ATP8A2: variants seen among roughly 807,000 people sequenced by gnomAD.
ATP8A2 encodes phospholipid-transporting ATPase IB.
Under a neutral mutation model 165.6 loss-of-function variants are expected in ATP8A2, and 100 were observed. The observed-to-expected ratio is 0.60, with a 90% CI of 0.51 to 0.71. The LOEUF (loss-of-function observed/expected upper bound fraction) is 0.71, where lower values mean the gene tolerates loss of function less well. ATP8A2 is among the 30% of genes least tolerant of loss of function. The pLI, the probability that ATP8A2 is intolerant of heterozygous loss-of-function variation, is 0.00. For synonymous variants in ATP8A2, 543 were observed against 548.8 expected, an observed-to-expected ratio of 0.99 and a Z score of 0.15; for missense variants, 1,227 against 1,479.5, an observed-to-expected ratio of 0.83 and a Z score of 2.80.
rs370284775 is a variant in ATP8A2, at chr13:25,551,490, C to T, written c.1044C>T (p.Tyr348=). ...GGTCTCATGGTGAAAAGAACTGGTA[C>T]ATCAAGAAGATGGGTAAGTGTCGGG... The part of the protein sequence containing the change: ...WNRSHGEKNW[Y]IKKMDTTSDN... The change falls in exon 11 of 37, where the codon TAC becomes TAT. Residue 348 remains tyrosine, a synonymous_variant. Transcript: ENST00000381655. The T allele has an allele frequency of 3.7e-6, 6 of 1,604,210 alleles. No individual in the cohort carries two copies. The highest frequency in any genetic ancestry group is 2.2e-5 in the East Asian group (1 of 44,590).
intron 33 of ATP8A2, among the ~76,000 whole-genome samples, chr13:25,901,783 G>C (rs1218807694): frequency 6.6e-6 from 1 of 152,184 alleles, no homozygotes; most frequent in Non-Finnish European, 1.5e-5. Context: ...GTTCTAGCCT[G>C]TTGGCTGGGA....
chr13:25,755,679 G>A (rs1179566062), intron 25 of ATP8A2, among the ~76,000 whole-genome samples: 1 of 152,120 alleles, frequency 6.6e-6, no homozygotes, highest in African/African-American at 2.4e-5. Context: ...GGCTGAGGTG[G>A]GCAAATCATG....
intron 33 of ATP8A2, chr13:25,868,115 A>G: frequency 4.4e-6 from 2 of 456,578 alleles, no homozygotes; most frequent in Non-Finnish European, 8.8e-6. Context: ...GGGTGTTGGG[A>G]TGTTCCCTTA....
intron 13 of ATP8A2, among the ~76,000 whole-genome samples, chr13:25,556,384 CAT>C (rs1303393334): frequency 2.0e-5 from 3 of 152,100 alleles, no homozygotes; most frequent in Non-Finnish European, 4.4e-5. Context: ...AGCATTGTTT[CAT>C]ATGTTTTTTG....
At chr13:25,716,023 A>T (rs1022584563) in intron 25 of ATP8A2, among the ~76,000 whole-genome samples, 1 of 152,206 alleles carries the variant, frequency 6.6e-6, no homozygotes, top group East Asian at 1.9e-4. Context: ...CCTAGTGGGT[A>T]TAAAGTGGTA....
chr13:25,501,447 A>G (rs9581358), intron 2 of ATP8A2, among the ~76,000 whole-genome samples: 9,000 of 152,214 alleles, frequency 0.059, 339 homozygotes, highest in South Asian at 0.13. Flanking sequence ...GGCAGGCTTG[A>G]TGAGTGAGAG....
At chr13:26,013,479 AGCCTGAC>A (rs1956892400) in intron 36 of ATP8A2, among the ~76,000 whole-genome samples, 1 of 152,204 alleles carries the variant, frequency 6.6e-6, no homozygotes, top group Non-Finnish European at 1.5e-5. Context: ...GTTGGAGACC[AGCCTGAC>A]CGACATGGTG....
At chr13:25,819,035 C>A (rs1566170743) in intron 27 of ATP8A2, among the ~76,000 whole-genome samples, 1 of 152,114 alleles carries the variant, frequency 6.6e-6, no homozygotes. Context: ...AAATAACTTG[C>A]CCTCTTCTGG....
At chr13:25,684,487 C>T (rs897281196) in intron 24 of ATP8A2, among the ~76,000 whole-genome samples, 3 of 152,140 alleles carry the variant, frequency 2.0e-5, no homozygotes, top group South Asian at 2.1e-4. Flanking sequence ...AAGACCATAT[C>T]GAGTTCGTCC....
intron 24 of ATP8A2, among the ~76,000 whole-genome samples, chr13:25,604,696 A>G (rs1214234114): frequency 6.6e-6 from 1 of 152,204 alleles, no homozygotes; most frequent in Non-Finnish European, 1.5e-5. Flanking sequence ...GCTCTTTATA[A>G]TCTAAGAATC....
At chr13:25,415,752 A>G (rs2034114562) in intron 1 of ATP8A2, among the ~76,000 whole-genome samples, 2 of 152,106 alleles carry the variant, frequency 1.3e-5, no homozygotes, top group Admixed American at 6.5e-5. Flanking sequence ...ATCTGATCAA[A>G]TGTCACCTCT....
chr13:25,738,663 A>G (rs1259581162), intron 25 of ATP8A2, among the ~76,000 whole-genome samples: 3 of 152,198 alleles, frequency 2.0e-5, no homozygotes, highest in Admixed American at 1.3e-4. Context: ...CAGTTTCTCA[A>G]TTTACATATG....
intron 34 of ATP8A2, 72 bp downstream of exon 34, chr13:25,961,735 C>T: frequency 1.8e-6 from 2 of 1,139,604 alleles, no homozygotes; most frequent in Non-Finnish European, 2.7e-6. Flanking sequence ...CTCATGAGTC[C>T]TGCTACAGGG....
intron 24 of ATP8A2, among the ~76,000 whole-genome samples, chr13:25,686,011 A>T (rs910119768): frequency 6.6e-6 from 1 of 152,128 alleles, no homozygotes; most frequent in African/African-American, 2.4e-5. Context: ...ATGGGGTATG[A>T]CAGAAAGGAA....
At chr13:26,013,736 A>T (rs1956901180) in intron 36 of ATP8A2, among the ~76,000 whole-genome samples, 1 of 152,114 alleles carries the variant, frequency 6.6e-6, no homozygotes, top group South Asian at 2.1e-4. Flanking sequence ...ATCATTGTTC[A>T]CACAGTACAG....
At chr13:26,012,942 A>G (rs140211166) in intron 36 of ATP8A2, among the ~76,000 whole-genome samples, 75 of 152,236 alleles carry the variant, frequency 4.9e-4, no homozygotes, top group African/African-American at 1.6e-3. Flanking sequence ...CCCTAAAGAT[A>G]GCAATATGAA....
Position 25,465,663 on chromosome 13 carries a change from TTTTCTTTCTTTCTTTC to T in ATP8A2, c.77-3253_77-3238del, listed in dbSNP as rs1174243477. ...TCACCTCCCCAGAAATCTTGCAGAG[TTTTCTTTCTTTCTTTC>T]TTTCTTTCTTTCTTTCTTTCTTTCT... On this transcript the variant is annotated intron_variant, in intron 1 of 36. Coordinates refer to ENST00000381655, the MANE Select transcript of ATP8A2 (RefSeq NM_016529.6). Among the ~76,000 whole-genome samples, 237 of 86,434 alleles carry T rather than the reference TTTTCTTTCTTTCTTTC, an allele frequency of 2.7e-3. 12 individuals carry two copies. The highest frequency in any genetic ancestry group is 0.01 in the African/African-American group (216 of 21,550). The allele number at this position is 86,434 out of a possible 152,430, so 56.7% of individuals were successfully genotyped here.
At chr13:25,876,332 A>G (rs767852296) in intron 33 of ATP8A2, among the ~76,000 whole-genome samples, 5 of 152,224 alleles carry the variant, frequency 3.3e-5, no homozygotes, top group Non-Finnish European at 7.3e-5. Context: ...GTCTATCCCC[A>G]GCACAGCATC....
At chr13:25,715,214 C>T (rs578099613) in intron 25 of ATP8A2, among the ~76,000 whole-genome samples, 31 of 152,158 alleles carry the variant, frequency 2.0e-4, no homozygotes, top group Middle Eastern at 3.4e-3. Context: ...AAACTGGGGC[C>T]GAATCACCCA....
Sources: gnomAD v4.1 joint callset for allele counts (sites outside exome capture counted in the v4.1 genomes callset) on GRCh38, gnomAD v4.1.1 for gene constraint, MANE v1.5 for transcripts, NCBI Gene and HGNC (gene_info 2026-07-23, HGNC 2026-07-21) for gene names.